The following FAF2 variants were observed in gnomAD, a reference collection of about 807,000 sequenced individuals.
FAF2 encodes FAS-associated factor 2.
Under a neutral mutation model 62.3 loss-of-function variants are expected in FAF2, and 9 were observed. The ratio of observed to expected loss-of-function variants is 0.14; its 90% CI spans 0.09 to 0.25. The LOEUF (loss-of-function observed/expected upper bound fraction) is 0.25, where lower values mean the gene tolerates loss of function less well. Among genes scored for constraint, FAF2 ranks in the 10% least tolerant of loss-of-function variants. The pLI is 1.00. For missense variants in FAF2, 368 were observed against 556.2 expected, an observed-to-expected ratio of 0.66 and a Z score of 3.40; for synonymous variants, 202 against 198.0, an observed-to-expected ratio of 1.02 and a Z score of -0.17.
At chr5:176,477,478 GT>G (rs1278043396) in intron 1 of FAF2, among the ~76,000 whole-genome samples, 3 of 152,092 alleles carry the variant, frequency 2.0e-5, no homozygotes, top group African/African-American at 7.2e-5. Context: ...GACACTGAAA[GT>G]TAAGGGGGTC....
chr5:176,467,356 G>T (rs754713393), intron 1 of FAF2, among the ~76,000 whole-genome samples: 1 of 151,498 alleles, frequency 6.6e-6, no homozygotes, highest in Non-Finnish European at 1.5e-5. Context: ...TTTTGAGTCA[G>T]TGTCGCCCTT....
intron 1 of FAF2, among the ~76,000 whole-genome samples, chr5:176,456,325 GC>G (rs1192729471): frequency 6.6e-6 from 1 of 152,142 alleles, no homozygotes; most frequent in African/African-American, 2.4e-5. Flanking sequence ...GCCTACCTCG[GC>G]CTCTCAAAGT....
chr5:176,452,061 TG>T (rs1758197431), intron 1 of FAF2, among the ~76,000 whole-genome samples: 1 of 149,810 alleles, frequency 6.7e-6, no homozygotes, highest in Non-Finnish European at 1.5e-5. Context: ...GGCTAATTTT[TG>T]TCTGTTTGTT....
chr5:176,497,899 G>A (rs182339371), intron 8 of FAF2, among the ~76,000 whole-genome samples: 83 of 152,192 alleles, frequency 5.5e-4, no homozygotes, highest in African/African-American at 1.7e-3. Context: ...CCTGTAATCC[G>A]AGCATTTCGG....
chr5:176,459,250 C>CTTTT (rs11386560), intron 1 of FAF2, among the ~76,000 whole-genome samples: 34 of 116,444 alleles, frequency 2.9e-4, no homozygotes, highest in East Asian at 7.8e-4. Flanking sequence ...TCCAGTTAAC[C>CTTTT]TTTTTTTTTT....
chr5:176,460,640 G>C (rs1286639668), intron 1 of FAF2, among the ~76,000 whole-genome samples: 3 of 151,480 alleles, frequency 2.0e-5, no homozygotes, highest in Non-Finnish European at 4.4e-5. Context: ...CTGCCTCCTG[G>C]CCCTGTAAAT....
chr5:176,506,728 T>G (rs1304997387), intron 10 of FAF2, 40 bp from the exon 11 acceptor site: 1 of 1,581,432 alleles, frequency 6.3e-7, no homozygotes, highest in Non-Finnish European at 8.7e-7. Context: ...TGTATTTCTG[T>G]TTTTCTCACC....
chr5:176,472,596 T>A (rs1342137879), intron 1 of FAF2, among the ~76,000 whole-genome samples: 2 of 151,756 alleles, frequency 1.3e-5, no homozygotes, highest in Non-Finnish European at 2.9e-5. Flanking sequence ...TAGCATTTTT[T>A]AAAAAGTTCC....
chr5:176,498,875 A>T (rs769520265), intron 8 of FAF2, 39 bp from the exon 9 acceptor site: 1 of 1,497,326 alleles, frequency 6.7e-7, no homozygotes, highest in Non-Finnish European at 9.0e-7. Context: ...ACTTTGTGAG[A>T]GTGCTGTTTT....
intron 10 of FAF2, among the ~76,000 whole-genome samples, chr5:176,504,305 C>T (rs542106769): frequency 7.3e-4 from 111 of 152,018 alleles, no homozygotes; most frequent in African/African-American, 2.2e-3. Context: ...TGTCTCTGGC[C>T]GGGCTTGGTG....
rs796744068 is a variant in FAF2 at position 176,489,118 on chromosome 5, G to T, written c.344+91G>T. The T allele has an allele frequency of 1.4e-5, 12 of 869,924 alleles. No individual in the cohort carries two copies. In the African/African-American group the frequency reaches 1.9e-4, roughly 13 times the overall value. The allele number at this position is 869,924 out of a possible 1,614,324, so 53.9% of individuals were successfully genotyped here. On this transcript the variant is annotated intron_variant, in intron 4 of 10. Transcript: ENST00000261942. ...ATAAGCTTTATGCTCTATCAATGTT[G>T]ACTTACCAATTTGTCATGAGATGGA...
chr5:176,495,272 G>A (rs1421484450), intron 7 of FAF2, among the ~76,000 whole-genome samples: 1 of 152,188 alleles, frequency 6.6e-6, no homozygotes, highest in Non-Finnish European at 1.5e-5. Context: ...AGATGTGGCA[G>A]ATGTTGTCCC....
intron 2 of FAF2, among the ~76,000 whole-genome samples, chr5:176,483,192 GACTAC>G (rs1242518067): frequency 5.3e-5 from 8 of 152,090 alleles, no homozygotes; most frequent in African/African-American, 1.9e-4. Context: ...TGACACCTCA[GACTAC>G]AGGTACATGC....
chr5:176,500,528 C>T lies in FAF2; in HGVS notation c.1155+382C>T, dbSNP rs1045377775. Among the ~76,000 whole-genome samples the T allele has an allele frequency of 2.0e-5, 3 of 152,332 alleles. No individual in the cohort carries two copies. The East Asian group carries it at 5.8e-4, about 29-fold the overall frequency. On this transcript the variant is annotated intron_variant, in intron 10 of 10. Coordinates refer to ENST00000261942, the MANE Select transcript of FAF2 (RefSeq NM_014613.3). ...GAACCCCTGCTCTGTAGGAAAAGCT[C>T]TGTCTCCAGTGACCTAAAAGCACTG...
At chr5:176,500,390 C>T (rs560696319) in intron 10 of FAF2, among the ~76,000 whole-genome samples, 9 of 152,168 alleles carry the variant, frequency 5.9e-5, no homozygotes, top group South Asian at 4.2e-4. Context: ...AATTATGTTT[C>T]GGCTCTGCTA....
At chr5:176,468,652 G>A (rs1296962433) in intron 1 of FAF2, among the ~76,000 whole-genome samples, 1 of 152,080 alleles carries the variant, frequency 6.6e-6, no homozygotes, top group African/African-American at 2.4e-5. Context: ...GAATTATGGA[G>A]CTGGGCACAT....
chr5:176,466,948 G>A lies in FAF2; in HGVS notation c.64-12240G>A, dbSNP rs116517765. ...GCCTTTCTCCCACTGATACTATCAG[G>A]CAATTACATTTTTAACTTCTGTAAT... On this transcript the variant is annotated intron_variant, in intron 1 of 10. Coordinates refer to ENST00000261942, the MANE Select transcript of FAF2 (RefSeq NM_014613.3). Among the ~76,000 whole-genome samples, 1,011 of 150,966 alleles carry A rather than the reference G, an allele frequency of 6.7e-3. 11 individuals carry two copies. The highest frequency in any genetic ancestry group is 0.024 in the African/African-American group (952 of 40,398).
intron 1 of FAF2, chr5:176,453,378 G>A (rs1241245931): frequency 6.6e-6 from 1 of 152,230 alleles, no homozygotes. Context: ...AATTAAAGGA[G>A]TTATGCAGGC....
At chr5:176,499,901 C>T in intron 9 of FAF2, 102 bp from the exon 10 acceptor site, 4 of 1,380,892 alleles carry the variant, frequency 2.9e-6, no homozygotes, top group Non-Finnish European at 4.0e-6. Context: ...TCTTAGAATA[C>T]TTAGTCATTA....
Sources: gnomAD v4.1 joint callset for allele counts (sites outside exome capture counted in the v4.1 genomes callset) on GRCh38, gnomAD v4.1.1 for gene constraint, MANE v1.5 for transcripts, NCBI Gene and HGNC (gene_info 2026-07-23, HGNC 2026-07-21) for gene names.